Variants in ICA1L observed in about 807,000 individuals in gnomAD.
ICA1L encodes the protein islet cell autoantigen 1 like, also known as islet cell autoantigen 1-like protein.
In ICA1L, 50 loss-of-function variants were observed where a neutral mutation model predicts 61.3. That is an observed-to-expected ratio of 0.82 (90% CI 0.65 to 1.03). The LOEUF is 1.03. Ranked by LOEUF, ICA1L falls within the 50% of genes least tolerant of loss-of-function variation. The pLI is 0.00. For synonymous variants in ICA1L, 161 were observed against 191.3 expected (o/e 0.84, Z 1.31); for missense variants, 508 against 556.7 (o/e 0.91, Z 0.88).
chr2:202,857,654 A>C (rs1187392112), intron 1 of ICA1L, among the ~76,000 whole-genome samples: 3 of 152,250 alleles, frequency 2.0e-5, no homozygotes, highest in African/African-American at 7.2e-5. Flanking sequence ...GAGCTTCTGC[A>C]CAGCAAAAGA....
chr2:202,780,099 A>G (rs1281801004), intron 12 of ICA1L, among the ~76,000 whole-genome samples: 4 of 152,250 alleles, frequency 2.6e-5, no homozygotes, highest in Non-Finnish European at 4.4e-5. Flanking sequence ...TCACTTATAG[A>G]AGACTCTCAG....
chr2:202,801,500 A>C (rs1559132044), intron 9 of ICA1L, among the ~76,000 whole-genome samples: 1 of 152,216 alleles, frequency 6.6e-6, no homozygotes, highest in Non-Finnish European at 1.5e-5. Context: ...TCCTCAGTAG[A>C]GTTCTTAAAG....
At chr2:202,820,111 C>T (rs1279473659) in intron 4 of ICA1L, 2 of 514,746 alleles carry the variant, frequency 3.9e-6, no homozygotes, top group African/African-American at 1.9e-5. Context: ...CGGTGGCTGA[C>T]GCTTGTAATC....
intron 1 of ICA1L, among the ~76,000 whole-genome samples, chr2:202,838,990 C>T (rs1287648731): frequency 1.3e-5 from 2 of 152,156 alleles, no homozygotes; most frequent in African/African-American, 2.4e-5. Flanking sequence ...CCAAGCCATC[C>T]ATGAGGGCTC....
chr2:202,845,487 C>A (rs1475392635), intron 1 of ICA1L, among the ~76,000 whole-genome samples: 1 of 151,970 alleles, frequency 6.6e-6, no homozygotes, highest in Non-Finnish European at 1.5e-5. Flanking sequence ...ATAAGCTGGG[C>A]GTGGTGGCAG....
intron 1 of ICA1L, among the ~76,000 whole-genome samples, chr2:202,839,815 A>G (rs1694271249): frequency 6.6e-6 from 1 of 151,374 alleles, no homozygotes. Flanking sequence ...ATTTTTCTCT[A>G]GTGGTATGCT....
At chr2:202,861,062 T>C (rs576231034) in intron 1 of ICA1L, among the ~76,000 whole-genome samples, 1 of 151,820 alleles carries the variant, frequency 6.6e-6, no homozygotes, top group African/African-American at 2.4e-5. Flanking sequence ...AAACTCCGTC[T>C]CTACTAAAAA....
In ICA1L at chr2:202,773,697, A is replaced by G; in HGVS notation, c.*5836T>C. On this transcript the variant is annotated 3_prime_UTR_variant, in exon 13 of 13. Coordinates refer to ENST00000358299, the MANE Select transcript of ICA1L (RefSeq NM_001288622.3). ...TGCCCAAGAGCTATCATTAATATAT[A>G]CAGCATATTGACTCTAGTTGCATCA... 1 of 957,220 alleles carries G rather than the reference A, an allele frequency of 1.0e-6. No individual in the cohort carries two copies. Among genetic ancestry groups the G allele is most frequent in the South Asian group, 1.4e-5 (1 of 70,030 alleles). 59.3% of individuals were successfully genotyped at this position (957,220 alleles called of 1,614,324 possible). A position where few individuals can be genotyped will look rare whatever the true frequency, so the allele number is the denominator to read the frequency against.
At chr2:202,839,263 G>A (rs1420666068) in intron 1 of ICA1L, among the ~76,000 whole-genome samples, 1 of 152,108 alleles carries the variant, frequency 6.6e-6, no homozygotes, top group Non-Finnish European at 1.5e-5. Context: ...CACTTTGGGA[G>A]ACTGAGGCAG....
intron 1 of ICA1L, among the ~76,000 whole-genome samples, chr2:202,850,042 C>A (rs983382483): frequency 6.6e-6 from 1 of 152,138 alleles, no homozygotes; most frequent in African/African-American, 2.4e-5. Context: ...CTGTAGCAGA[C>A]CTGCAGAAGA....
chr2:202,836,540 T>C (rs773746285), intron 1 of ICA1L, among the ~76,000 whole-genome samples: 16 of 152,170 alleles, frequency 1.1e-4, no homozygotes, highest in Non-Finnish European at 1.2e-4. Context: ...AAGATCTCCT[T>C]CCTTTTCAAT....
intron 2 of ICA1L, 79 bp downstream of exon 2, chr2:202,828,769 T>G: frequency 8.9e-7 from 1 of 1,117,684 alleles, no homozygotes. Context: ...AACTCTCCAG[T>G]GTGAAAACCT....
chr2:202,842,841 T>C (rs1694368560), intron 1 of ICA1L, among the ~76,000 whole-genome samples: 1 of 152,186 alleles, frequency 6.6e-6, no homozygotes, highest in Admixed American at 6.6e-5. Flanking sequence ...CTTCATTTTT[T>C]CTTCTCTGAC....
intron 10 of ICA1L, among the ~76,000 whole-genome samples, chr2:202,794,579 A>C (rs980695423): frequency 2.6e-5 from 4 of 152,208 alleles, no homozygotes; most frequent in African/African-American, 7.2e-5. Flanking sequence ...AGTTGGTAAG[A>C]AGAAAAAAAC....
chr2:202,836,951 C>T (rs765808181), intron 1 of ICA1L, among the ~76,000 whole-genome samples: 14 of 151,994 alleles, frequency 9.2e-5, no homozygotes, highest in Non-Finnish European at 1.6e-4. Context: ...AAGCAATTCT[C>T]CTGCCTCAGC....
chr2:202,781,723 C>T (rs1285012336), intron 12 of ICA1L, among the ~76,000 whole-genome samples: 5 of 152,076 alleles, frequency 3.3e-5, no homozygotes, highest in Non-Finnish European at 5.9e-5. Context: ...CACAGTGACG[C>T]TCATTAGCAT....
chr2:202,848,727 T>G (rs895463823), intron 1 of ICA1L, among the ~76,000 whole-genome samples: 3 of 152,232 alleles, frequency 2.0e-5, no homozygotes, highest in Non-Finnish European at 4.4e-5. Flanking sequence ...TATACATACA[T>G]ATATATTTTG....
In ICA1L at chr2:202,779,653, T is replaced by TA. The variant is rs755962113; in HGVS notation, c.1334-6dup. Reference sequence around the variant, plus strand: ...CTTGGTTGCCATTGTTGGGGGCTATTAAAAAAGAAAAAAAATACATTAAAG... The same window carrying TA: ...CTTGGTTGCCATTGTTGGGGGCTATTAAAAAAAGAAAAAAAATACATTAAAG... On this transcript the variant is annotated splice_polypyrimidine_tract_variant and splice_region_variant and intron_variant, in intron 12 of 12. Transcript: ENST00000358299. 1 of 1,547,184 alleles carries TA rather than the reference T, an allele frequency of 6.5e-7. No homozygotes were observed. The highest frequency in any genetic ancestry group is 8.9e-7 in the Non-Finnish European group (1 of 1,129,742).
Position 202,786,002 on chromosome 2 carries a change from C to A in ICA1L, c.1249G>T (p.Val417Phe). 6.3e-7 allele frequency: 1 copy of A among 1,594,610 alleles called. No homozygotes were observed. The highest frequency in any genetic ancestry group is 8.6e-7 in the Non-Finnish European group (1 of 1,164,896). Reference sequence around the variant, plus strand: ...CAAAGTTCTGATTCCTCTTGGGAGACCCAGTCTGGGATAAAAGAAGTAAAA... The same window carrying A: ...CAAAGTTCTGATTCCTCTTGGGAGAACCAGTCTGGGATAAAAGAAGTAAAA... ...FHVAGAFNNW[V>F]SQEESELCLS... The change falls in exon 12 of 13, where the codon GTC (valine) becomes TTC (phenylalanine). Residue 417 changes from valine to phenylalanine, a missense_variant. Val to Phe is a conservative substitution (Grantham distance 50). Transcript: ENST00000358299.
Sources: gnomAD v4.1 joint callset for allele counts (sites outside exome capture counted in the v4.1 genomes callset) on GRCh38, gnomAD v4.1.1 for gene constraint, MANE v1.5 for transcripts, NCBI Gene and HGNC (gene_info 2026-07-23, HGNC 2026-07-21) for gene names.